The following NCKAP5 variants were observed in gnomAD, a reference collection of about 807,000 sequenced individuals.
The protein encoded by NCKAP5 is NCK associated protein 5, also known as nck-associated protein 5.
NCKAP5 carries 92 observed loss-of-function variants against 167.0 expected under a neutral mutation model. The ratio of observed to expected loss-of-function variants is 0.55; its 90% CI spans 0.47 to 0.66. The LOEUF is 0.66. NCKAP5 is among the 30% of genes least tolerant of loss of function. The pLI is 0.00. For missense variants in NCKAP5, 2,378 were observed against 2,315.0 expected (o/e 1.03, Z -0.56); for synonymous variants, 891 against 877.4 (o/e 1.02, Z -0.27).
the NCKAP5 span, among the ~76,000 whole-genome samples, chr2:133,646,824 C>A: frequency 6.6e-6 from 1 of 151,982 alleles, no homozygotes; most frequent in East Asian, 1.9e-4. Context: ...ATTGTGACAA[C>A]CATAATATAA....
intron 8 of NCKAP5, among the ~76,000 whole-genome samples, chr2:132,935,417 A>G (rs1696763413): frequency 6.6e-6 from 1 of 152,348 alleles, no homozygotes; most frequent in African/African-American, 2.4e-5. Context: ...CTTAATTATT[A>G]TAACTGTAAC....
chr2:132,920,366 G>C (rs1221711163), intron 8 of NCKAP5, among the ~76,000 whole-genome samples: 1 of 151,900 alleles, frequency 6.6e-6, no homozygotes, highest in Non-Finnish European at 1.5e-5. Flanking sequence ...TCACATACTA[G>C]AAATGTTCAC....
intron 3 of NCKAP5, among the ~76,000 whole-genome samples, chr2:133,314,523 A>T (rs898731121): frequency 6.6e-6 from 1 of 152,186 alleles, no homozygotes; most frequent in African/African-American, 2.4e-5. Flanking sequence ...GGCTTATGGT[A>T]ACCAGGATTA....
At chr2:132,804,754 C>G (rs1046563054) in intron 11 of NCKAP5, among the ~76,000 whole-genome samples, 5 of 152,102 alleles carry the variant, frequency 3.3e-5, no homozygotes, top group African/African-American at 7.2e-5. Context: ...GTGGAAGAAG[C>G]TGTCATCTTA....
At position 133,226,972 on chromosome 2, in the gene NCKAP5, G is replaced by A. The variant is rs536205445; in HGVS notation, c.144-13193C>T. Among the ~76,000 whole-genome samples the A allele has an allele frequency of 2.6e-4, 40 of 152,296 alleles. No homozygotes were observed. In the South Asian group the frequency reaches 5.6e-3, roughly 21 times the overall value. On this transcript the variant is annotated intron_variant, in intron 4 of 19. Coordinates refer to ENST00000409261, the MANE Select transcript of NCKAP5 (RefSeq NM_207363.3). ...AAATATACATATACACATAGCCTGG[G>A]AAGATATAATGGGTGCTCCAAGCAA...
At chr2:133,566,225 G>A (rs1019056430) in intron 1 of NCKAP5, among the ~76,000 whole-genome samples, 2 of 109,000 alleles carry the variant, frequency 1.8e-5, no homozygotes, top group Non-Finnish European at 4.4e-5. Context: ...TGAAGAGAAG[G>A]TTCCACTGGA....
chr2:133,456,803 T>C (rs1284849036), intron 3 of NCKAP5, among the ~76,000 whole-genome samples: 1 of 152,198 alleles, frequency 6.6e-6, no homozygotes, highest in East Asian at 1.9e-4. Flanking sequence ...ATTTCCCAGA[T>C]ACTTGGCCAA....
intron 4 of NCKAP5, among the ~76,000 whole-genome samples, chr2:133,249,092 C>T (rs960824683): frequency 1.3e-5 from 2 of 152,078 alleles, no homozygotes; most frequent in African/African-American, 4.8e-5. Flanking sequence ...CCTACTTATG[C>T]CACTGCCCCT....
chr2:132,994,203 T>C lies in NCKAP5; in HGVS notation c.378A>G (p.Gln126=). 1 of 1,592,272 alleles carries C rather than the reference T, an allele frequency of 6.3e-7. No homozygotes were observed. Reference sequence around the variant, plus strand: ...CTTCTTTTTTCTGCTCTGGAGATCCTTGACTCTGCAATAGATTTCGTACTG... The same window carrying C: ...CTTCTTTTTTCTGCTCTGGAGATCCCTGACTCTGCAATAGATTTCGTACTG... ...EETVRNLLQS[Q]GSPEQKKEET... is the part of the protein sequence containing the mutation. The change falls in exon 7 of 20, where the codon CAA becomes CAG. Residue 126 remains glutamine, a synonymous_variant. Coordinates refer to ENST00000409261, the MANE Select transcript of NCKAP5 (RefSeq NM_207363.3).
At chr2:133,470,746 A>G (rs529071245) in intron 3 of NCKAP5, among the ~76,000 whole-genome samples, 4 of 152,216 alleles carry the variant, frequency 2.6e-5, no homozygotes, top group African/African-American at 9.6e-5. Flanking sequence ...GGAAAAGTAC[A>G]GTATTCAGGT....
At chr2:133,125,654 T>C (rs1332030258) in intron 6 of NCKAP5, among the ~76,000 whole-genome samples, 1 of 152,210 alleles carries the variant, frequency 6.6e-6, no homozygotes, top group Admixed American at 6.5e-5. Flanking sequence ...ACCACCTGCC[T>C]CTAACTACTA....
At chr2:133,145,021 C>A (rs933936120) in intron 5 of NCKAP5, among the ~76,000 whole-genome samples, 14 of 152,068 alleles carry the variant, frequency 9.2e-5, no homozygotes, top group Non-Finnish European at 4.4e-5. Context: ...ACATTTTGTT[C>A]TTTTCTAACA....
At chr2:132,974,513 C>T (rs994234341) in intron 7 of NCKAP5, among the ~76,000 whole-genome samples, 1 of 152,160 alleles carries the variant, frequency 6.6e-6, no homozygotes, top group East Asian at 1.9e-4. Context: ...GACAAGGAAA[C>T]AGCCTCTAAT....
intron 6 of NCKAP5, among the ~76,000 whole-genome samples, chr2:133,090,156 C>T (rs1009963813): frequency 2.0e-5 from 3 of 151,128 alleles, no homozygotes; most frequent in Non-Finnish European, 4.4e-5. Flanking sequence ...CTCTTGAGCC[C>T]AGCAGCTCAA....
At chr2:132,791,940 AGAT>A (rs1684103612) in intron 12 of NCKAP5, among the ~76,000 whole-genome samples, 1 of 152,220 alleles carries the variant, frequency 6.6e-6, no homozygotes. Flanking sequence ...CCTCCTGTAT[AGAT>A]GTTGGGGTAA....
At chr2:133,336,493 C>A (rs1314735845) in intron 3 of NCKAP5, among the ~76,000 whole-genome samples, 2 of 152,080 alleles carry the variant, frequency 1.3e-5, no homozygotes, top group African/African-American at 4.8e-5. Flanking sequence ...GTAAATGTTT[C>A]AAAAGAAAGT....
intron 1 of NCKAP5, among the ~76,000 whole-genome samples, chr2:133,563,454 A>C (rs1309578075): frequency 6.6e-6 from 1 of 151,442 alleles, no homozygotes; most frequent in Admixed American, 6.6e-5. Context: ...CTGTAATCCC[A>C]GCTACTTGGG....
intron 12 of NCKAP5, among the ~76,000 whole-genome samples, chr2:132,794,167 G>A (rs1375639035): frequency 2.1e-5 from 3 of 143,624 alleles, no homozygotes; most frequent in African/African-American, 7.7e-5. Context: ...CCTGACAAAC[G>A]CTGGTGCTTA....
intron 4 of NCKAP5, among the ~76,000 whole-genome samples, chr2:133,231,559 C>A (rs2087149185): frequency 6.6e-6 from 1 of 152,186 alleles, no homozygotes; most frequent in African/African-American, 2.4e-5. Flanking sequence ...CTCCTGCTAT[C>A]AAAAGGCTTT....
Sources: allele counts gnomAD v4.1 joint callset (sites outside exome capture counted in the v4.1 genomes callset), GRCh38; gene constraint gnomAD v4.1.1; transcripts MANE v1.5; gene names NCBI Gene and HGNC (gene_info 2026-07-23, HGNC 2026-07-21).